The following TMOD3 variants were observed in gnomAD, a reference collection of about 807,000 sequenced individuals.
TMOD3 encodes the protein tropomodulin 3.
Under a neutral mutation model 39.2 loss-of-function variants are expected in TMOD3, and 20 were observed. The ratio of observed to expected loss-of-function variants is 0.51; its 90% CI spans 0.36 to 0.74. The LOEUF (loss-of-function observed/expected upper bound fraction) is 0.74. TMOD3 is among the 30% of genes least tolerant of loss of function. TMOD3 has a pLI of 0.00. For synonymous variants in TMOD3, 143 were observed against 145.8 expected (o/e 0.98, Z 0.14); for missense variants, 381 against 412.8 (o/e 0.92, Z 0.67).
rs2056700158 is a variant in TMOD3, at chr15:51,909,650, A to G, written c.*840A>G. On this transcript the variant is annotated 3_prime_UTR_variant, in exon 10 of 10. Coordinates refer to ENST00000308580, the MANE Select transcript of TMOD3 (RefSeq NM_014547.5). The stretch of plus-strand genomic sequence containing the variant: ...CTCTTAGTTATTTAGGGTAAGAGAA[A>G]AAAGAAAACTGTTAAACAATGAAAT... 2 of 152,418 alleles carry G rather than the reference A, an allele frequency of 1.3e-5. No individual in the cohort carries two copies. Among genetic ancestry groups the G allele is most frequent in the Admixed American group, 1.3e-4 (2 of 15,282 alleles). The allele number at this position is 152,418 out of a possible 1,614,324, so 9.4% of individuals were successfully genotyped here. A position where few individuals can be genotyped will look rare whatever the true frequency, so the allele number is the denominator to read the frequency against.
intron 9 of TMOD3, chr15:51,907,277 CAG>C (rs1346162492): frequency 6.6e-6 from 1 of 152,092 alleles, no homozygotes; most frequent in Non-Finnish European, 1.5e-5. Context: ...AAGGATGACA[CAG>C]ACATTCATGA....
chr15:51,906,795 C>T (rs1426240831), intron 9 of TMOD3, among the ~76,000 whole-genome samples: 4 of 151,960 alleles, frequency 2.6e-5, no homozygotes, highest in Admixed American at 6.6e-5. Flanking sequence ...CTGAGGCAGG[C>T]GGATCACCTG....
chr15:51,879,709 T>A (rs1240257175), intron 3 of TMOD3, among the ~76,000 whole-genome samples: 2 of 152,022 alleles, frequency 1.3e-5, no homozygotes, highest in African/African-American at 2.4e-5. Flanking sequence ...AGAATCACCT[T>A]TGGAGCTTTT....
At chr15:51,833,669 A>ATGT (rs1204366467) in intron 1 of TMOD3, among the ~76,000 whole-genome samples, 5 of 152,152 alleles carry the variant, frequency 3.3e-5, no homozygotes, top group Non-Finnish European at 7.4e-5. Flanking sequence ...AGATTCATCT[A>ATGT]TGTTGTTGGC....
intron 5 of TMOD3, among the ~76,000 whole-genome samples, chr15:51,893,396 C>T (rs1196522037): frequency 6.6e-6 from 1 of 151,404 alleles, no homozygotes; most frequent in Middle Eastern, 3.4e-3. Flanking sequence ...TTAAATCTGT[C>T]CCCTTGAATA....
chr15:51,902,067 T>A (rs1357238226), intron 9 of TMOD3, 31 bp downstream of exon 9: 63 of 1,609,254 alleles, frequency 3.9e-5, no homozygotes, highest in Non-Finnish European at 5.3e-5. Flanking sequence ...AGTTTCTGAG[T>A]TCTATCACAA....
At chr15:51,902,219 G>A (rs1282557865) in intron 9 of TMOD3, among the ~76,000 whole-genome samples, 183 bp downstream of exon 9, 2 of 152,176 alleles carry the variant, frequency 1.3e-5, no homozygotes, top group East Asian at 3.9e-4. Flanking sequence ...GTGATGATTG[G>A]GTCAATGGGT....
At chr15:51,885,247 A>C (rs2056554006) in intron 3 of TMOD3, among the ~76,000 whole-genome samples, 2 of 151,566 alleles carry the variant, frequency 1.3e-5, no homozygotes, top group African/African-American at 4.8e-5. Context: ...TCATATGATA[A>C]AGTCTTTAGG....
chr15:51,847,829 C>T (rs1483850654), intron 1 of TMOD3, among the ~76,000 whole-genome samples: 1 of 152,184 alleles, frequency 6.6e-6, no homozygotes, highest in South Asian at 2.1e-4. Context: ...AATATGTGTG[C>T]CAATACAGTG....
intron 6 of TMOD3, among the ~76,000 whole-genome samples, chr15:51,895,464 C>T (rs1272222698): frequency 6.6e-6 from 1 of 152,068 alleles, no homozygotes; most frequent in African/African-American, 2.4e-5. Context: ...AAGTGATTCG[C>T]CCACCTTGGC....
At chr15:51,839,004 G>T (rs1178373283) in intron 1 of TMOD3, among the ~76,000 whole-genome samples, 1 of 152,170 alleles carries the variant, frequency 6.6e-6, no homozygotes, top group Non-Finnish European at 1.5e-5. Flanking sequence ...ATATTTCACA[G>T]GGACTGGAAT....
At chr15:51,857,355 T>C (rs965886401) in intron 1 of TMOD3, among the ~76,000 whole-genome samples, 2 of 152,316 alleles carry the variant, frequency 1.3e-5, no homozygotes, top group East Asian at 3.9e-4. Flanking sequence ...GTGTTCATGG[T>C]TTTTCATTTT....
chr15:51,892,183 A>C (rs2056596949), intron 5 of TMOD3, among the ~76,000 whole-genome samples: 1 of 152,214 alleles, frequency 6.6e-6, no homozygotes, highest in Non-Finnish European at 1.5e-5. Flanking sequence ...AGAGGAAGGC[A>C]GGAAGGAAAA....
intron 2 of TMOD3, among the ~76,000 whole-genome samples, chr15:51,867,598 T>C (rs2056453475): frequency 6.6e-6 from 1 of 152,210 alleles, no homozygotes; most frequent in Non-Finnish European, 1.5e-5. Flanking sequence ...ATTGAATATT[T>C]TCTATTACTA....
intron 3 of TMOD3, among the ~76,000 whole-genome samples, chr15:51,872,083 A>T (rs2141691017): frequency 6.6e-6 from 1 of 152,308 alleles, no homozygotes; most frequent in East Asian, 1.9e-4. Flanking sequence ...ACACCATGTA[A>T]TTACCATTCA....
At chr15:51,877,086 C>G (rs1447544551) in intron 3 of TMOD3, among the ~76,000 whole-genome samples, 1 of 152,032 alleles carries the variant, frequency 6.6e-6, no homozygotes, top group Non-Finnish European at 1.5e-5. Flanking sequence ...AAAAAGTCTT[C>G]TATGCCTCTA....
chr15:51,914,067 A>T lies in TMOD3; in HGVS notation c.*5257A>T, dbSNP rs1021105315. ...CTCATAGTACTTTGGGAGACCAAGC[A>T]GGGAGGATTACTTGAGACCAGGAGT... On this transcript the variant is annotated 3_prime_UTR_variant, in exon 10 of 10. Coordinates refer to ENST00000308580, the MANE Select transcript of TMOD3 (RefSeq NM_014547.5). The T allele has an allele frequency of 1.3e-5, 2 of 151,034 alleles. No individual in the cohort carries two copies. Among genetic ancestry groups the T allele is most frequent in the East Asian group, 3.9e-4 (2 of 5,120 alleles). 9.4% of individuals were successfully genotyped at this position (151,034 alleles called of 1,614,324 possible). A position where few individuals can be genotyped will look rare whatever the true frequency, so the allele number is the denominator to read the frequency against.
At chr15:51,873,781 C>G (rs866647284) in intron 3 of TMOD3, among the ~76,000 whole-genome samples, 1 of 152,002 alleles carries the variant, frequency 6.6e-6, no homozygotes, top group Non-Finnish European at 1.5e-5. Flanking sequence ...GCCACCACAC[C>G]TGGCTAATTT....
chr15:51,892,004 T>G (rs1243357960), intron 5 of TMOD3, among the ~76,000 whole-genome samples: 2 of 152,198 alleles, frequency 1.3e-5, no homozygotes, highest in Non-Finnish European at 2.9e-5. Flanking sequence ...CTAAATATAT[T>G]CAGATTTTTC....
Sources: gnomAD v4.1 joint callset for allele counts (sites outside exome capture counted in the v4.1 genomes callset) on GRCh38, gnomAD v4.1.1 for gene constraint, MANE v1.5 for transcripts, NCBI Gene and HGNC (gene_info 2026-07-23, HGNC 2026-07-21) for gene names.